The following ATRNL1 variants were observed in gnomAD, a reference collection of about 807,000 sequenced individuals.
The protein encoded by ATRNL1 is attractin like 1.
In ATRNL1, 95 loss-of-function variants were observed where a neutral mutation model predicts 182.7. The observed-to-expected ratio is 0.52, with a 90% CI of 0.44 to 0.62. The LOEUF (loss-of-function observed/expected upper bound fraction) is 0.62, where lower values mean the gene tolerates loss of function less well. Ranked by LOEUF, ATRNL1 falls within the 20% of genes least tolerant of loss-of-function variation. The pLI, the probability that ATRNL1 is intolerant of heterozygous loss-of-function variation, is 0.00. For missense variants in ATRNL1, 1,471 were observed against 1,679.5 expected, an observed-to-expected ratio of 0.88 and a Z score of 2.17; for synonymous variants, 576 against 568.3, an observed-to-expected ratio of 1.01 and a Z score of -0.19.
chr10:115,852,915 T>C (rs1171302990), intron 28 of ATRNL1, among the ~76,000 whole-genome samples: 1 of 152,164 alleles, frequency 6.6e-6, no homozygotes, highest in Non-Finnish European at 1.5e-5. Flanking sequence ...GCCCGTGAAC[T>C]CATAGGAAAA....
At chr10:115,690,455 G>A (rs985821284) in intron 26 of ATRNL1, among the ~76,000 whole-genome samples, 4 of 152,106 alleles carry the variant, frequency 2.6e-5, no homozygotes, top group South Asian at 4.1e-4. Flanking sequence ...ACAAGAAGTG[G>A]GGCTCAGGTG....
chr10:115,426,426 A>G (rs890059374), intron 21 of ATRNL1, 124 bp downstream of exon 21: 4 of 637,746 alleles, frequency 6.3e-6, no homozygotes, highest in Non-Finnish European at 1.1e-5. Context: ...CTTAAATTTT[A>G]TAATACAACT....
chr10:115,353,089 T>C (rs1564944360), intron 19 of ATRNL1, among the ~76,000 whole-genome samples: 1 of 152,242 alleles, frequency 6.6e-6, no homozygotes, highest in Non-Finnish European at 1.5e-5. Flanking sequence ...CCATCTGGTC[T>C]GTAGTGCATA....
At chr10:115,360,858 G>A (rs1000393452) in intron 19 of ATRNL1, among the ~76,000 whole-genome samples, 1 of 151,704 alleles carries the variant, frequency 6.6e-6, no homozygotes, top group African/African-American at 2.4e-5. Context: ...TTTTGTGTAT[G>A]GATAGAATGT....
intron 1 of ATRNL1, among the ~76,000 whole-genome samples, chr10:115,119,675 A>G (rs942815857): frequency 7.2e-5 from 11 of 152,052 alleles, no homozygotes; most frequent in Non-Finnish European, 1.5e-4. Flanking sequence ...GACAGGAGAA[A>G]ATGATAATAA....
chr10:115,466,042 A>G (rs1848037820), intron 22 of ATRNL1, among the ~76,000 whole-genome samples: 1 of 151,512 alleles, frequency 6.6e-6, no homozygotes. Context: ...TATGGCCATC[A>G]CACATCATCC....
intron 15 of ATRNL1, among the ~76,000 whole-genome samples, chr10:115,288,614 T>C (rs1852743691): frequency 6.6e-6 from 1 of 151,890 alleles, no homozygotes; most frequent in African/African-American, 2.4e-5. Flanking sequence ...CTCCGTATCC[T>C]GGGCTCAAGC....
At chr10:115,240,478 T>A (rs987981252) in intron 9 of ATRNL1, among the ~76,000 whole-genome samples, 18 of 152,014 alleles carry the variant, frequency 1.2e-4, no homozygotes, top group African/African-American at 4.3e-4. Context: ...ATGGTCTTGA[T>A]CTCCTGATCT....
At chr10:115,415,146 C>A (rs1165917589) in intron 20 of ATRNL1, among the ~76,000 whole-genome samples, 1 of 151,962 alleles carries the variant, frequency 6.6e-6, no homozygotes, top group East Asian at 1.9e-4. Context: ...TTCTCATTTT[C>A]TATTCCTACT....
chr10:115,230,736 C>G (rs530046175), intron 9 of ATRNL1, among the ~76,000 whole-genome samples: 33 of 152,012 alleles, frequency 2.2e-4, no homozygotes, highest in Non-Finnish European at 4.3e-4. Context: ...TTTTAATGAT[C>G]TAAGAGGGAG....
At chr10:115,343,123 T>C (rs575675786) in intron 19 of ATRNL1, among the ~76,000 whole-genome samples, 1 of 152,326 alleles carries the variant, frequency 6.6e-6, no homozygotes, top group Admixed American at 6.5e-5. Context: ...TAATTCTGTT[T>C]GGTGTTCTAT....
intron 24 of ATRNL1, among the ~76,000 whole-genome samples, chr10:115,485,204 A>T (rs1848961561): frequency 6.6e-6 from 1 of 151,974 alleles, no homozygotes; most frequent in Admixed American, 6.6e-5. Flanking sequence ...AATATATATA[A>T]CATTTAAACT....
chr10:115,725,967 T>A (rs1028281272), intron 26 of ATRNL1, among the ~76,000 whole-genome samples: 7 of 152,200 alleles, frequency 4.6e-5, no homozygotes, highest in Non-Finnish European at 8.8e-5. Flanking sequence ...TTCAAAAAAA[T>A]GTGATCTACA....
intron 10 of ATRNL1, among the ~76,000 whole-genome samples, chr10:115,260,178 C>A (rs1367915918): frequency 1.3e-5 from 2 of 152,080 alleles, no homozygotes; most frequent in Admixed American, 6.6e-5. Flanking sequence ...TTCTCTTCTG[C>A]AGGACTTGTG....
At chr10:115,629,097 A>G (rs1858312897) in intron 26 of ATRNL1, among the ~76,000 whole-genome samples, 1 of 152,110 alleles carries the variant, frequency 6.6e-6, no homozygotes, top group South Asian at 2.1e-4. Flanking sequence ...TCAAAGCTAA[A>G]TAACTTAGGA....
At chr10:115,618,567 T>G (rs1857557796) in intron 26 of ATRNL1, among the ~76,000 whole-genome samples, 1 of 152,048 alleles carries the variant, frequency 6.6e-6, no homozygotes, top group Non-Finnish European at 1.5e-5. Context: ...TCAAAATACC[T>G]TTCTTCAAGT....
chr10:115,779,361 C>A (rs1291016387), intron 27 of ATRNL1, among the ~76,000 whole-genome samples: 1 of 152,152 alleles, frequency 6.6e-6, no homozygotes, highest in African/African-American at 2.4e-5. Context: ...TCTAGGTCAG[C>A]GAGTCATCTG....
chr10:115,795,897 C>G (rs1949643265), intron 27 of ATRNL1, among the ~76,000 whole-genome samples: 1 of 152,086 alleles, frequency 6.6e-6, no homozygotes, highest in South Asian at 2.1e-4. Flanking sequence ...CCATATCATC[C>G]CCCATTCAAT....
At chr10:115,367,826 C>T (rs1592535055) in intron 19 of ATRNL1, among the ~76,000 whole-genome samples, 1 of 145,640 alleles carries the variant, frequency 6.9e-6, no homozygotes, top group East Asian at 2.0e-4. Flanking sequence ...CCCAGTTAGG[C>T]TGCTCGGGGG....
Sources: allele counts gnomAD v4.1 joint callset (sites outside exome capture counted in the v4.1 genomes callset), GRCh38; gene constraint gnomAD v4.1.1; transcripts MANE v1.5; gene names NCBI Gene and HGNC (gene_info 2026-07-23, HGNC 2026-07-21).